KIF26B: variants seen among roughly 807,000 people sequenced by gnomAD.
The protein encoded by KIF26B is kinesin family member 26B, also known as kinesin-like protein KIF26B.
Under a neutral mutation model 151.2 loss-of-function variants are expected in KIF26B, and 63 were observed. That is an observed-to-expected ratio of 0.42 (90% confidence interval 0.34 to 0.51). KIF26B has a LOEUF of 0.51. Among genes scored for constraint, KIF26B ranks in the 20% least tolerant of loss-of-function variants. KIF26B has a pLI of 0.07. For missense variants in KIF26B, 2,813 were observed against 2,913.6 expected (o/e 0.97, Z 0.79); for synonymous variants, 1,357 against 1,262.1 (o/e 1.08, Z -1.59).
intron 4 of KIF26B, among the ~76,000 whole-genome samples, chr1:245,497,900 C>T (rs1660544531): frequency 6.6e-6 from 1 of 152,214 alleles, no homozygotes; most frequent in African/African-American, 2.4e-5. Flanking sequence ...TGTGCCACCA[C>T]ACCCAGCTAA....
In KIF26B at chr1:245,597,495, C is replaced by T. The variant is rs991833339; in HGVS notation, c.1351-5082C>T. ...TGTAGGGTTTCTGCAGAGAGATCTG[C>T]TGTTAGTCTAGGGAAGATGGGCTTC... On this transcript the variant is annotated intron_variant, in intron 5 of 14. Coordinates refer to ENST00000407071, the MANE Select transcript of KIF26B (RefSeq NM_018012.4). The surrounding 1 kb of genome is among the most constrained non-coding windows in gnomAD (Gnocchi z 4.6). Among the ~76,000 whole-genome samples the T allele has an allele frequency of 2.7e-4, 41 of 152,294 alleles. No individual in the cohort carries two copies. Among genetic ancestry groups the T allele is most frequent in the African/African-American group, 9.4e-4 (39 of 41,568 alleles).
At chr1:245,700,270 C>T (rs1343503245) in intron 14 of KIF26B, among the ~76,000 whole-genome samples, 1 of 152,148 alleles carries the variant, frequency 6.6e-6, no homozygotes, top group Non-Finnish European at 1.5e-5. Flanking sequence ...GTGACTACAC[C>T]ATAGGGCAGT....
intron 4 of KIF26B, among the ~76,000 whole-genome samples, chr1:245,482,983 A>C (rs955384351): frequency 6.6e-6 from 1 of 151,732 alleles, no homozygotes; most frequent in South Asian, 2.1e-4. Flanking sequence ...AAGCTGTTGG[A>C]AAAAGCTTCC....
At chr1:245,616,664 A>G (rs1038384078) in intron 9 of KIF26B, among the ~76,000 whole-genome samples, 1 of 152,088 alleles carries the variant, frequency 6.6e-6, no homozygotes, top group African/African-American at 2.4e-5. Flanking sequence ...TTTGACTGCA[A>G]CCCCTCACGA....
At chr1:245,622,872 C>T (rs1046194080) in intron 9 of KIF26B, among the ~76,000 whole-genome samples, 1 of 152,070 alleles carries the variant, frequency 6.6e-6, no homozygotes, top group East Asian at 1.9e-4. Context: ...AGACACGCCT[C>T]TCTGGAAGAG....
chr1:245,506,013 TA>T (rs1660723055), intron 4 of KIF26B, among the ~76,000 whole-genome samples: 1 of 152,260 alleles, frequency 6.6e-6, no homozygotes, highest in Admixed American at 6.5e-5. Context: ...AACAATTTAG[TA>T]ACCATTAGAC....
chr1:245,643,213 ATATGATTATTGATATGG>A (rs1364732525), intron 9 of KIF26B, among the ~76,000 whole-genome samples: 3 of 152,138 alleles, frequency 2.0e-5, no homozygotes, highest in Non-Finnish European at 4.4e-5. Context: ...TTTCAATTTC[ATATGATTATTGATATGG>A]TTTGGTTCAA....
chr1:245,540,907 T>C lies in KIF26B; in HGVS notation c.1307T>C (p.Leu436Pro). ...CCTCCCCCAGCCCCACCCTGCCTGC[T>C]GAGGGCTGTCAACAAGGTGAAGGAC... is the stretch of plus-strand genomic sequence containing the variant. ...TSPPPAPPCL[L>P]RAVNKVKDTP... The change falls in exon 5 of 15, where the codon CTG becomes CCG. Residue 436 changes from leucine to proline, a missense_variant. Physicochemically the swap from Leu to Pro is moderately conservative, Grantham distance 98 (BLOSUM62 -3). This residue lies in a region of KIF26B where 676 missense variants were observed against 688.1 expected (regional missense o/e 0.98). Transcript: ENST00000407071. The surrounding 1 kb of genome is among the most constrained non-coding windows in gnomAD (Gnocchi z 4.6). 1 of 1,613,928 alleles carries C rather than the reference T, an allele frequency of 6.2e-7. No individual in the cohort carries two copies. Among genetic ancestry groups the C allele is most frequent in the Non-Finnish European group, 8.5e-7 (1 of 1,179,850 alleles).
Position 245,561,992 on chromosome 1 carries a change from G to A in KIF26B, c.1350+21042G>A, listed in dbSNP as rs115095179. 7.7e-3 allele frequency among the ~76,000 whole-genome samples: 1,165 copies of A among 152,228 alleles called. 10 individuals carry two copies. Among genetic ancestry groups the A allele is most frequent in the African/African-American group, 0.027 (1,111 of 41,538 alleles). Reference sequence around the variant, plus strand: ...GGATGCTGAAGGGCACTCTTCAGTGGTTTCTCCCAGGGCCGTTGCGGATTG... The same window carrying A: ...GGATGCTGAAGGGCACTCTTCAGTGATTTCTCCCAGGGCCGTTGCGGATTG... On this transcript the variant is annotated intron_variant, in intron 5 of 14. Coordinates refer to ENST00000407071, the MANE Select transcript of KIF26B (RefSeq NM_018012.4).
intron 4 of KIF26B, among the ~76,000 whole-genome samples, chr1:245,485,385 ATT>A (rs10672221): frequency 0.038 from 5,424 of 142,642 alleles, 258 homozygotes; most frequent in African/African-American, 0.11. Context: ...TCCTAGCATC[ATT>A]TTTTTTTTTT....
At chr1:245,389,924 C>T (rs1162275888) in intron 3 of KIF26B, among the ~76,000 whole-genome samples, 1 of 152,248 alleles carries the variant, frequency 6.6e-6, no homozygotes, top group East Asian at 1.9e-4. Context: ...TTTCCTATTA[C>T]AGCAGTTCTC....
At position 245,671,632 on chromosome 1, in the gene KIF26B, G is replaced by A. The variant is rs192135439; in HGVS notation, c.2259-12601G>A. ...GCAAGGTTACAATAGGACATTTTATGTATATTTCACCACAATAAAAATAGG... is the reference window on the plus strand; with the variant it reads ...GCAAGGTTACAATAGGACATTTTATATATATTTCACCACAATAAAAATAGG... On this transcript the variant is annotated intron_variant, in intron 10 of 14. Transcript: ENST00000407071. 1.3e-3 allele frequency among the ~76,000 whole-genome samples: 195 copies of A among 152,312 alleles called. 2 individuals carry two copies. The highest frequency in any genetic ancestry group is 3.1e-4 in the Non-Finnish European group (21 of 68,038).
intron 4 of KIF26B, among the ~76,000 whole-genome samples, chr1:245,440,048 C>T (rs942305866): frequency 1.3e-5 from 2 of 152,084 alleles, no homozygotes; most frequent in South Asian, 2.1e-4. Context: ...GGTGAAACCC[C>T]GTCTCTACTA....
At chr1:245,314,228 G>A (rs1036144047) in intron 2 of KIF26B, among the ~76,000 whole-genome samples, 2 of 151,932 alleles carry the variant, frequency 1.3e-5, no homozygotes, top group Non-Finnish European at 2.9e-5. Context: ...CAGGTGGATC[G>A]CCTGAGGTCA....
intron 4 of KIF26B, among the ~76,000 whole-genome samples, chr1:245,481,638 C>T (rs561466448): frequency 6.6e-6 from 1 of 151,846 alleles, no homozygotes; most frequent in Non-Finnish European, 1.5e-5. Context: ...AGTGTCAAAC[C>T]TCCTGTCAAC....
intron 4 of KIF26B, among the ~76,000 whole-genome samples, chr1:245,449,559 G>A (rs1216715613): frequency 1.3e-5 from 2 of 152,168 alleles, no homozygotes; most frequent in African/African-American, 2.4e-5. Flanking sequence ...TGTGGCTGAC[G>A]TGTGCGTTTC....
rs1480976907 is a variant in KIF26B, at chr1:245,606,171, C to T, written c.1558-1480C>T. Reference sequence around the variant, plus strand: ...CTACAGCAGCCCTGTCCTGCCACCCCCTCTGGCCCAGGAGGAGCCCCCCGC... The same window carrying T: ...CTACAGCAGCCCTGTCCTGCCACCCTCTCTGGCCCAGGAGGAGCCCCCCGC... On this transcript the variant is annotated intron_variant, in intron 6 of 14. Coordinates refer to ENST00000407071, the MANE Select transcript of KIF26B (RefSeq NM_018012.4). The surrounding 1 kb of genome is among the most constrained non-coding windows in gnomAD (Gnocchi z 4.6). 6.6e-6 allele frequency among the ~76,000 whole-genome samples: 1 copy of T among 152,112 alleles called. No individual in the cohort carries two copies. The highest frequency in any genetic ancestry group is 2.4e-5 in the African/African-American group (1 of 41,430).
At chr1:245,695,699 AT>A (rs1348662457) in intron 12 of KIF26B, among the ~76,000 whole-genome samples, 59 of 152,344 alleles carry the variant, frequency 3.9e-4, no homozygotes, top group African/African-American at 1.3e-3. Flanking sequence ...ACCCGCCAGG[AT>A]ATTTCTGTGA....
intron 5 of KIF26B, among the ~76,000 whole-genome samples, chr1:245,588,114 TATC>T (rs1184005072): frequency 6.6e-6 from 1 of 152,186 alleles, no homozygotes; most frequent in African/African-American, 2.4e-5. Context: ...CAGAGGGGAT[TATC>T]ATTGTTGGAA....
Sources: gnomAD v4.1 joint callset for allele counts (sites outside exome capture counted in the v4.1 genomes callset) on GRCh38, gnomAD v4.1.1 for gene constraint, gnomAD v4.1.1 regional missense constraint, Gnocchi (gnomAD v3.1) non-coding constraint, MANE v1.5 for transcripts, NCBI Gene and HGNC (gene_info 2026-07-23, HGNC 2026-07-21) for gene names.